Variants in PLPPR4 observed in about 807,000 individuals in gnomAD.
The protein encoded by PLPPR4 is phospholipid phosphatase-related protein type 4.
PLPPR4 carries 24 observed loss-of-function variants against 56.6 expected under a neutral mutation model. That is an observed-to-expected ratio of 0.42 (90% confidence interval 0.31 to 0.60). PLPPR4 has a LOEUF of 0.60. Among genes scored for constraint, PLPPR4 ranks in the 20% least tolerant of loss-of-function variants. The pLI, the probability that PLPPR4 is intolerant of heterozygous loss-of-function variation, is 0.13. For missense variants in PLPPR4, 654 were observed against 885.8 expected (o/e 0.74, Z 3.32); for synonymous variants, 326 against 328.1 (o/e 0.99, Z 0.07).
chr1:99,293,245 T>C (rs1168612157), intron 2 of PLPPR4, among the ~76,000 whole-genome samples: 1 of 152,188 alleles, frequency 6.6e-6, no homozygotes, highest in Non-Finnish European at 1.5e-5. Flanking sequence ...AATCATTCAG[T>C]ATTTGCTTCC....
Position 99,309,478 on chromosome 1 carries a change from A to G in PLPPR4, c.*2468A>G, listed in dbSNP as rs1259876741. Reference sequence around the variant, plus strand: ...TATGCAATGTTTTCCAAACTGATAAAGTTTGTAAAGTGCTATAAATGTATT... The same window carrying G: ...TATGCAATGTTTTCCAAACTGATAAGGTTTGTAAAGTGCTATAAATGTATT... On this transcript the variant is annotated 3_prime_UTR_variant, in exon 7 of 7. Transcript: ENST00000370185. 6.6e-6 allele frequency: 1 copy of G among 152,532 alleles called. No homozygotes were observed. Among genetic ancestry groups the G allele is most frequent in the Non-Finnish European group, 1.5e-5 (1 of 68,000 alleles). The allele number at this position is 152,532 out of a possible 1,614,324, so 9.4% of individuals were successfully genotyped here.
intron 1 of PLPPR4, among the ~76,000 whole-genome samples, chr1:99,274,758 A>G (rs1659140447): frequency 6.6e-6 from 1 of 152,090 alleles, no homozygotes; most frequent in Admixed American, 6.6e-5. Context: ...CTCTACTGAA[A>G]GTCTCTACTC....
intron 1 of PLPPR4, among the ~76,000 whole-genome samples, chr1:99,267,676 A>G (rs1225012270): frequency 6.6e-6 from 1 of 152,168 alleles, no homozygotes; most frequent in Non-Finnish European, 1.5e-5. Context: ...TTTTACTTAT[A>G]GTTTGGACTT....
chr1:99,293,235 A>C (rs964306100), intron 2 of PLPPR4, among the ~76,000 whole-genome samples: 1 of 152,180 alleles, frequency 6.6e-6, no homozygotes, highest in African/African-American at 2.4e-5. Context: ...TTTAAATATG[A>C]ATCATTCAGT....
rs4341381 is a variant in PLPPR4 at position 99,270,260 on chromosome 1, A to G, written c.78+5589A>G. Among the ~76,000 whole-genome samples the G allele has an allele frequency of 2.1e-3, 326 of 152,276 alleles. 10 individuals carry two copies. In the East Asian group the frequency reaches 0.051, roughly 24 times the overall value. ...AAGCTGGTCTCGAACTCCTGGGCTC[A>G]AGCAATCCTCCCGCCTCAGCCTCCC... On this transcript the variant is annotated intron_variant, in intron 1 of 6. Transcript: ENST00000370185.
chr1:99,289,772 A>G (rs1659568811), intron 2 of PLPPR4, among the ~76,000 whole-genome samples: 1 of 152,092 alleles, frequency 6.6e-6, no homozygotes. Flanking sequence ...CTCTCAATAA[A>G]CTAGGTATTG....
intron 1 of PLPPR4, among the ~76,000 whole-genome samples, chr1:99,274,851 T>C (rs1276582059): frequency 6.6e-6 from 1 of 152,154 alleles, no homozygotes; most frequent in Non-Finnish European, 1.5e-5. Flanking sequence ...TATAAACTCG[T>C]CAGCAGCAGT....
At chr1:99,296,604 A>G in intron 2 of PLPPR4, 134 bp from the exon 3 acceptor site, 2 of 702,756 alleles carry the variant, frequency 2.8e-6, no homozygotes, top group Non-Finnish European at 4.3e-6. Flanking sequence ...CTGTGCCTCT[A>G]CAGCTTTTAA....
intron 3 of PLPPR4, among the ~76,000 whole-genome samples, chr1:99,298,240 T>C (rs889799327): frequency 5.3e-5 from 8 of 152,138 alleles, no homozygotes; most frequent in Non-Finnish European, 7.4e-5. Context: ...TCAGAATGAA[T>C]CTAGGGTGAC....
intron 1 of PLPPR4, among the ~76,000 whole-genome samples, chr1:99,279,539 G>A (rs750675653): frequency 1.3e-5 from 2 of 152,198 alleles, no homozygotes; most frequent in Non-Finnish European, 2.9e-5. Context: ...ATTTGAAAGT[G>A]CCTGCCACCC....
intron 2 of PLPPR4, among the ~76,000 whole-genome samples, chr1:99,293,414 T>G (rs977423332): frequency 6.6e-6 from 1 of 152,206 alleles, no homozygotes; most frequent in African/African-American, 2.4e-5. Context: ...TATTCAATTT[T>G]CATTTACTTT....
rs754238943 is a variant in PLPPR4, at chr1:99,287,423, G to C, written c.79-542G>C. 2.2e-4 allele frequency among the ~76,000 whole-genome samples: 33 copies of C among 152,160 alleles called. No homozygotes were observed. The South Asian group carries it at 2.3e-3, about 11-fold the overall frequency. Reference sequence around the variant, plus strand: ...TATATACCCAGTAATGGGATTGCTGGGTCAAATGGTATTTCTGGTTCTAGA... The same window carrying C: ...TATATACCCAGTAATGGGATTGCTGCGTCAAATGGTATTTCTGGTTCTAGA... On this transcript the variant is annotated intron_variant, in intron 1 of 6. Transcript: ENST00000370185.
intron 2 of PLPPR4, among the ~76,000 whole-genome samples, chr1:99,293,091 C>T (rs969163591): frequency 1.3e-5 from 2 of 152,060 alleles, no homozygotes; most frequent in Non-Finnish European, 2.9e-5. Flanking sequence ...TCCAAAAGGA[C>T]TTGTGTGAGG....
At chr1:99,290,853 T>G (rs1311016251) in intron 2 of PLPPR4, among the ~76,000 whole-genome samples, 1 of 152,078 alleles carries the variant, frequency 6.6e-6, no homozygotes, top group African/African-American at 2.4e-5. Flanking sequence ...GAAGAAAACT[T>G]AGGCAGTACC....
intron 1 of PLPPR4, among the ~76,000 whole-genome samples, chr1:99,265,374 TATAG>T (rs1341238916): frequency 6.6e-6 from 1 of 152,196 alleles, no homozygotes; most frequent in Non-Finnish European, 1.5e-5. Flanking sequence ...TGAGCAGTAT[TATAG>T]ATAAACAATT....
At chr1:99,266,631 G>C (rs536596469) in intron 1 of PLPPR4, among the ~76,000 whole-genome samples, 4 of 152,192 alleles carry the variant, frequency 2.6e-5, no homozygotes, top group Non-Finnish European at 4.4e-5. Context: ...TTCCTTAGCA[G>C]GGCAAGCTGT....
intron 1 of PLPPR4, among the ~76,000 whole-genome samples, chr1:99,285,612 G>A (rs1659444459): frequency 6.6e-6 from 1 of 151,944 alleles, no homozygotes. Context: ...TACTCACTAT[G>A]TATTTCTTTT....
chr1:99,307,018 C>T lies in PLPPR4; in HGVS notation c.*8C>T. The stretch of plus-strand genomic sequence containing the variant: ...CGGGCTTATAAGGATTGAGTGATGT[C>T]CATTCCATCATTAGGGCTACTCGCA... On this transcript the variant is annotated 3_prime_UTR_variant, in exon 7 of 7. Transcript: ENST00000370185. 6.3e-7 allele frequency: 1 copy of T among 1,577,578 alleles called. No homozygotes were observed.
rs763487374 is a variant in PLPPR4, at chr1:99,264,526, C to T, written c.-68C>T. 1.3e-6 allele frequency: 2 copies of T among 1,549,974 alleles called. No homozygotes were observed. Among genetic ancestry groups the T allele is most frequent in the Admixed American group, 2.0e-5 (1 of 50,976 alleles). On this transcript the variant is annotated 5_prime_UTR_variant, in exon 1 of 7. Coordinates refer to ENST00000370185, the MANE Select transcript of PLPPR4 (RefSeq NM_014839.5). ...GCCGGGCGCTTGGGGCTGGAGGAGGCAGCTCGCCTCAGCTGCGCTGTGCAC... is the reference window on the plus strand; with the variant it reads ...GCCGGGCGCTTGGGGCTGGAGGAGGTAGCTCGCCTCAGCTGCGCTGTGCAC...
Sources: allele counts gnomAD v4.1 joint callset (sites outside exome capture counted in the v4.1 genomes callset), GRCh38; gene constraint gnomAD v4.1.1; transcripts MANE v1.5; gene names NCBI Gene and HGNC (gene_info 2026-07-23, HGNC 2026-07-21).